Variants in INVS observed in about 807,000 individuals in gnomAD.
INVS encodes the protein inversin, also known as inversion of embryo turning homolog.
In INVS, 86 loss-of-function variants were observed where a neutral mutation model predicts 108.8. That is an observed-to-expected ratio of 0.79 (90% confidence interval 0.66 to 0.95). INVS has a LOEUF of 0.95. Among genes scored for constraint, INVS ranks in the 40% least tolerant of loss-of-function variants. INVS has a pLI of 0.00. For missense variants in INVS, 1,169 were observed against 1,297.4 expected, an observed-to-expected ratio of 0.90 and a Z score of 1.52; for synonymous variants, 455 against 473.5, an observed-to-expected ratio of 0.96 and a Z score of 0.51.
intron 4 of INVS, among the ~76,000 whole-genome samples, chr9:100,227,264 G>A (rs12003061): frequency 0.18 from 26,972 of 152,104 alleles, 3,639 homozygotes; most frequent in African/African-American, 0.38. Context: ...AGCAAAAGTA[G>A]TAAGTTAAAT....
intron 2 of INVS, among the ~76,000 whole-genome samples, chr9:100,104,912 G>C (rs1827122786): frequency 6.6e-6 from 1 of 152,140 alleles, no homozygotes. Flanking sequence ...TATGTTAACA[G>C]ATCTCGAATG....
intron 3 of INVS, chr9:100,175,159 C>A: frequency 2.5e-6 from 1 of 397,050 alleles, no homozygotes; most frequent in South Asian, 2.7e-5. Context: ...ATTTTTTCCT[C>A]CCCTTTTTCA....
intron 2 of INVS, among the ~76,000 whole-genome samples, chr9:100,123,287 C>T (rs1324018842): frequency 1.3e-5 from 2 of 152,160 alleles, no homozygotes; most frequent in East Asian, 3.8e-4. Context: ...TCCTAGGCAA[C>T]TACTCATCTA....
chr9:100,251,479 A>G (rs1832234778), intron 8 of INVS, among the ~76,000 whole-genome samples: 1 of 152,246 alleles, frequency 6.6e-6, no homozygotes, highest in Admixed American at 6.5e-5. Context: ...TTTAATCAAA[A>G]TTACTCTTTA....
chr9:100,183,541 C>T (rs1323473638), intron 3 of INVS, among the ~76,000 whole-genome samples: 3 of 151,956 alleles, frequency 2.0e-5, no homozygotes, highest in Non-Finnish European at 4.4e-5. Flanking sequence ...GCCTGTAATC[C>T]CAGCACTTTG....
At chr9:100,210,672 A>G (rs1211283673) in intron 3 of INVS, among the ~76,000 whole-genome samples, 1 of 152,096 alleles carries the variant, frequency 6.6e-6, no homozygotes. Context: ...CTTGCTTATA[A>G]TTTTGCATTG....
intron 10 of INVS, among the ~76,000 whole-genome samples, chr9:100,253,475 T>C (rs994058750): frequency 2.0e-5 from 3 of 152,168 alleles, no homozygotes; most frequent in Admixed American, 6.6e-5. Context: ...GCAAGTTTGT[T>C]ACATATGTAT....
chr9:100,242,887 A>G (rs1364677856), intron 7 of INVS, among the ~76,000 whole-genome samples: 2 of 152,318 alleles, frequency 1.3e-5, no homozygotes, highest in South Asian at 2.1e-4. Flanking sequence ...ATAACATCCA[A>G]TACAATATCA....
rs558958395 is a variant in INVS at position 100,292,458 on chromosome 9, G to A, written c.2201G>A (p.Arg734Gln). Reference sequence around the variant, plus strand: ...AGAGGTGAGACAGCTGGCGATGAGCGGTGTGCAAAGGGGAAAGGCTTCGTG... The same window carrying A: ...AGAGGTGAGACAGCTGGCGATGAGCAGTGTGCAAAGGGGAAAGGCTTCGTG... Reference protein sequence around the residue: ...KSRGETAGDERCAKGKGFVKQ... With the variant: ...KSRGETAGDEQCAKGKGFVKQ... Residue 734 changes from arginine (R) to glutamine (Q), a missense_variant, in exon 14 of 17, where the codon CGG becomes CAG. Physicochemically the swap from Arg to Gln is conservative, Grantham distance 43. Coordinates refer to ENST00000262457, the MANE Select transcript of INVS (RefSeq NM_014425.5). 5.0e-5 allele frequency: 80 copies of A among 1,614,140 alleles called. 3 individuals are homozygous for A. Among genetic ancestry groups the A allele is most frequent in the South Asian group, 4.2e-4 (38 of 91,086 alleles).
intron 3 of INVS, among the ~76,000 whole-genome samples, chr9:100,132,777 A>AT (rs72132931): frequency 0.21 from 31,272 of 150,730 alleles, 5,408 homozygotes; most frequent in African/African-American, 0.48. Flanking sequence ...TATGCCTGGA[A>AT]TTTTTTTTTT....
intron 3 of INVS, chr9:100,175,562 T>C (rs962773819): frequency 6.9e-6 from 5 of 724,876 alleles, no homozygotes; most frequent in Non-Finnish European, 1.3e-5. Flanking sequence ...AGGTTAAGAC[T>C]TGGTTCCAGA....
At chr9:100,222,817 A>C (rs936159203) in intron 3 of INVS, among the ~76,000 whole-genome samples, 2 of 149,926 alleles carry the variant, frequency 1.3e-5, no homozygotes, top group African/African-American at 5.0e-5. Flanking sequence ...TTCCTGGGCA[A>C]ACTTTTTTTT....
chr9:100,214,445 A>C (rs947637713), intron 3 of INVS, among the ~76,000 whole-genome samples: 1 of 152,198 alleles, frequency 6.6e-6, no homozygotes, highest in Non-Finnish European at 1.5e-5. Flanking sequence ...GAGTCACTTT[A>C]TTTCAGGATT....
intron 3 of INVS, among the ~76,000 whole-genome samples, chr9:100,176,318 G>A (rs1227083555): frequency 2.6e-5 from 4 of 152,122 alleles, no homozygotes; most frequent in African/African-American, 9.7e-5. Flanking sequence ...AGGACAACAT[G>A]ATAGAAGCTG....
intron 10 of INVS, among the ~76,000 whole-genome samples, chr9:100,264,482 G>A (rs190337764): frequency 2.6e-5 from 4 of 152,104 alleles, no homozygotes; most frequent in African/African-American, 9.6e-5. Context: ...GCTGGGCATG[G>A]CGGCGGGCAC....
chr9:100,189,155 C>A (rs1356525019), intron 3 of INVS, among the ~76,000 whole-genome samples: 4 of 95,200 alleles, frequency 4.2e-5, no homozygotes, highest in Non-Finnish European at 2.0e-5. Context: ...GTCTATCAAT[C>A]TTGTTTACCT....
rs547454659 is a variant in INVS, at chr9:100,235,977, C to T, written c.616-4083C>T. 7.9e-5 allele frequency among the ~76,000 whole-genome samples: 12 copies of T among 152,216 alleles called. No homozygotes were observed. In the South Asian group the frequency reaches 1.7e-3, roughly 21 times the overall value. On this transcript the variant is annotated intron_variant, in intron 5 of 16. Transcript: ENST00000262457. Reference sequence around the variant, plus strand: ...TGAAGTGTGTTTTCCAACTTGGTTCCATTCTCCTCATCACTTTCAGGTACA... The same window carrying T: ...TGAAGTGTGTTTTCCAACTTGGTTCTATTCTCCTCATCACTTTCAGGTACA...
intron 3 of INVS, among the ~76,000 whole-genome samples, chr9:100,148,092 T>C (rs774612757): frequency 1.5e-4 from 23 of 151,540 alleles, no homozygotes; most frequent in Non-Finnish European, 7.4e-5. Flanking sequence ...CTCAGGAGGT[T>C]AAGTCCAGGA....
intron 2 of INVS, among the ~76,000 whole-genome samples, chr9:100,119,318 T>C (rs940607603): frequency 2.0e-4 from 31 of 152,238 alleles, no homozygotes; most frequent in African/African-American, 7.5e-4. Context: ...GGATTAATTA[T>C]GAATTTAATT....
Sources: allele counts gnomAD v4.1 joint callset (sites outside exome capture counted in the v4.1 genomes callset), GRCh38; gene constraint gnomAD v4.1.1; transcripts MANE v1.5; gene names NCBI Gene and HGNC (gene_info 2026-07-23, HGNC 2026-07-21).